Variants in SARS2 observed in about 807,000 individuals in gnomAD.
SARS2 encodes serine--tRNA ligase, mitochondrial.
Under a neutral mutation model 66.8 loss-of-function variants are expected in SARS2, and 52 were observed. That is an observed-to-expected ratio of 0.78 (90% CI 0.62 to 0.98). SARS2 has a LOEUF of 0.98. Ranked by LOEUF, SARS2 falls within the 50% of genes least tolerant of loss-of-function variation. The probability of loss-of-function intolerance (pLI) is 0.00; values close to 1 mark genes in which losing one functional copy is unlikely to be tolerated. For missense variants in SARS2, 673 were observed against 706.3 expected, an observed-to-expected ratio of 0.95 and a Z score of 0.53; for synonymous variants, 306 against 281.4, an observed-to-expected ratio of 1.09 and a Z score of -0.87.
At chr19:38,926,149 T>C (rs999080451) in intron 2 of SARS2, 56 bp downstream of exon 2, 73 of 1,401,796 alleles carry the variant, frequency 5.2e-5, no homozygotes, top group Non-Finnish European at 7.2e-5. Context: ...TCCTGTTACC[T>C]GTGTCTAGAG....
chr19:38,919,759 T>C lies in SARS2; in HGVS notation c.759+3A>G, dbSNP rs375391018. Reference sequence around the variant, plus strand: ...CAGGCAGCCCTCCTATCTTGGCCCATACCCGGCGGAGAAGCTTGTTGAATG... The same window carrying C: ...CAGGCAGCCCTCCTATCTTGGCCCACACCCGGCGGAGAAGCTTGTTGAATG... On this transcript the variant is annotated splice_donor_region_variant and intron_variant, in intron 7 of 15. Transcript: ENST00000221431. The C allele has an allele frequency of 1.2e-6, 2 of 1,613,414 alleles. No individual in the cohort carries two copies. Among genetic ancestry groups the C allele is most frequent in the African/African-American group, 2.7e-5 (2 of 74,926 alleles).
chr19:38,930,577 C>A lies in SARS2; in HGVS notation c.160G>T (p.Ala54Ser). The part of the protein sequence containing the change: ...LYEYAREGYS[A>S]LPQLDIERFC... ...CGCTCTATGTCCAGCTGAGGGAGTG[C>A]GCTGTAGCCCTCGCGCGCATACTCG... Residue 54 changes from alanine (A) to serine (S), a missense_variant, in exon 1 of 16, where the codon GCA becomes TCA. Ala to Ser is a moderately conservative substitution (Grantham distance 99, BLOSUM62 1). Coordinates refer to ENST00000221431, the MANE Select transcript of SARS2 (RefSeq NM_017827.4). The A allele has an allele frequency of 6.2e-7, 1 of 1,613,976 alleles. No homozygotes were observed. Among genetic ancestry groups the A allele is most frequent in the Non-Finnish European group, 8.5e-7 (1 of 1,180,004 alleles).
chr19:38,920,456 A>G (rs1244946409), intron 5 of SARS2, among the ~76,000 whole-genome samples: 1 of 151,938 alleles, frequency 6.6e-6, no homozygotes, highest in Non-Finnish European at 1.5e-5. Context: ...AGGAAACACC[A>G]CGAGGAAGGG....
Position 38,920,356 on chromosome 19 carries a change from G to C in SARS2, c.590-207C>G, listed in dbSNP as rs144335555. Among the ~76,000 whole-genome samples, 547 of 151,732 alleles carry C rather than the reference G, an allele frequency of 3.6e-3. 5 individuals carry two copies. Among genetic ancestry groups the C allele is most frequent in the African/African-American group, 0.013 (517 of 41,320 alleles). ...GGAGGGAGATAAAAACAGAGACAGG[G>C]AGAGGAAATGAGAGGAGGCAGAGAG... On this transcript the variant is annotated intron_variant, in intron 5 of 15. Coordinates refer to ENST00000221431, the MANE Select transcript of SARS2 (RefSeq NM_017827.4).
Position 38,917,725 on chromosome 19 carries a change from G to A in SARS2, c.1159C>T (p.Arg387Trp), listed in dbSNP as rs1335920603. ...EILTELGLHF[R>W]VLDMPTQELG... Reference sequence around the variant, plus strand: ...TGGATCCCTGGCCCCTCTCCACACCGGAAGTGCAAGCCCAGCTCTGTCAAG... The same window carrying A: ...TGGATCCCTGGCCCCTCTCCACACCAGAAGTGCAAGCCCAGCTCTGTCAAG... Residue 387 changes from arginine to tryptophan, a missense_variant and splice_region_variant, in exon 12 of 16, where the codon CGG becomes TGG. Coordinates refer to ENST00000221431, the MANE Select transcript of SARS2 (RefSeq NM_017827.4). The A allele has an allele frequency of 8.6e-6, 11 of 1,283,564 alleles. No individual in the cohort carries two copies. Among genetic ancestry groups the A allele is most frequent in the East Asian group, 8.1e-5 (2 of 24,702 alleles). The allele number at this position is 1,283,564 out of a possible 1,614,324, so 79.5% of individuals were successfully genotyped here. A position where few individuals can be genotyped will look rare whatever the true frequency, so the allele number is the denominator to read the frequency against.
chr19:38,924,138 A>G (rs891239543), intron 2 of SARS2, among the ~76,000 whole-genome samples: 5 of 151,902 alleles, frequency 3.3e-5, no homozygotes, highest in Non-Finnish European at 5.9e-5. Context: ...TCTCAAAAAA[A>G]AAAAAGAAGA....
At chr19:38,922,377 G>A in intron 2 of SARS2, 110 bp from the exon 3 acceptor site, 1 of 1,022,698 alleles carries the variant, frequency 9.8e-7, no homozygotes, top group Non-Finnish European at 1.5e-6. Context: ...CTCCTGCTCT[G>A]TCAGTGCCTA....
chr19:38,917,692 G>GCCCAA, intron 12 of SARS2, 32 bp downstream of exon 12: 4 of 1,057,868 alleles, frequency 3.8e-6, no homozygotes, highest in East Asian at 2.6e-5. Flanking sequence ...CCCCACCCCT[G>GCCCAA]CCATCCCTGG....
At chr19:38,924,674 C>A (rs1405644767) in intron 2 of SARS2, among the ~76,000 whole-genome samples, 1 of 152,094 alleles carries the variant, frequency 6.6e-6, no homozygotes, top group Non-Finnish European at 1.5e-5. Flanking sequence ...GACAGGGTCT[C>A]ACTCTGTCGC....
chr19:38,922,365 G>T, intron 2 of SARS2, 98 bp from the exon 3 acceptor site: 1 of 1,167,866 alleles, frequency 8.6e-7, no homozygotes, highest in Non-Finnish European at 1.3e-6. Context: ...GAGGATCTTA[G>T]TCTCCTGCTC....
chr19:38,923,215 TTTTC>T (rs1235285870), intron 2 of SARS2, among the ~76,000 whole-genome samples: 2 of 115,656 alleles, frequency 1.7e-5, no homozygotes, highest in African/African-American at 3.5e-5. Flanking sequence ...TGATCTCAGG[TTTTC>T]TTTTTTTTTT....
chr19:38,916,044 G>A lies in SARS2; in HGVS notation c.1340C>T (p.Ala447Val), dbSNP rs769476736. Residue 447 changes from alanine (A) to valine (V), a missense_variant, in exon 14 of 16, where the codon GCC becomes GTC. Physicochemically the swap from Ala to Val is moderately conservative, Grantham distance 64. Transcript: ENST00000221431. ...FQTEAGELQFAHTVNATACAV... is the reference protein window; with the variant it reads ...FQTEAGELQFVHTVNATACAV... ...AGGCTGTGCGGGCCTCACCGTGTGG[G>A]CAAACTGCAGCTCCCCAGCCTCGGT... 2 of 1,613,420 alleles carry A rather than the reference G, an allele frequency of 1.2e-6. No individual in the cohort carries two copies. Among genetic ancestry groups the A allele is most frequent in the Middle Eastern group, 1.7e-4 (1 of 6,014 alleles).
chr19:38,926,758 A>G (rs1432873113), intron 1 of SARS2, among the ~76,000 whole-genome samples: 2 of 151,948 alleles, frequency 1.3e-5, no homozygotes, highest in African/African-American at 4.8e-5. Context: ...TGCACACTCC[A>G]GCCTGGGCAA....
Position 38,915,463 on chromosome 19 carries a change from C to T in SARS2, c.*143G>A, listed in dbSNP as rs1783150110. 1 of 883,442 alleles carries T rather than the reference C, an allele frequency of 1.1e-6. No homozygotes were observed. Among genetic ancestry groups the T allele is most frequent in the African/African-American group, 1.7e-5 (1 of 60,022 alleles). 54.7% of individuals were successfully genotyped at this position (883,442 alleles called of 1,614,324 possible). A position where few individuals can be genotyped will look rare whatever the true frequency, so the allele number is the denominator to read the frequency against. On this transcript the variant is annotated 3_prime_UTR_variant, in exon 16 of 16. Transcript: ENST00000221431. ...CAGCAAGGACAGAGGAGAGGTGGAC[C>T]CCGTGGTCCAGGGGCCCGGGCGTGG...
intron 2 of SARS2, among the ~76,000 whole-genome samples, chr19:38,923,219 CTTTTTT>C (rs1165441029): frequency 8.4e-4 from 64 of 75,766 alleles, no homozygotes; most frequent in Admixed American, 2.2e-3. Context: ...CTCAGGTTTT[CTTTTTT>C]TTTTTTTTTT....
In SARS2 at chr19:38,915,802, G is replaced by A. The variant is rs11670675; in HGVS notation, c.1413+39C>T. 0.23 allele frequency: 371,551 copies of A among 1,612,590 alleles called. 45,174 individuals are homozygous for A. The highest frequency in any genetic ancestry group is 0.3 in the South Asian group (27,568 of 91,070). On this transcript the variant is annotated intron_variant, in intron 15 of 15. Coordinates refer to ENST00000221431, the MANE Select transcript of SARS2 (RefSeq NM_017827.4). ...TGCAGATGCCCCAGCCCTCCCCGGC[G>A]CTGAGCTGCCTCTCTGGGTGGGCCC...
At chr19:38,921,804 C>T (rs1017183300) in intron 3 of SARS2, 137 bp from the exon 4 acceptor site, 43 of 1,389,080 alleles carry the variant, frequency 3.1e-5, no homozygotes, top group Middle Eastern at 4.4e-4. Flanking sequence ...TGAACGTCTT[C>T]GCAGAACTTC....
At chr19:38,922,188 C>G (rs1974549508) in intron 3 of SARS2, 50 bp downstream of exon 3, 2 of 1,591,668 alleles carry the variant, frequency 1.3e-6, no homozygotes, top group Admixed American at 1.7e-5. Flanking sequence ...GGCAGGGTAT[C>G]CTCCCTGCCC....
rs562766344 is a variant in SARS2 at position 38,915,660 on chromosome 19, G to A, written c.1503C>T (p.Ile501=). The stretch of plus-strand genomic sequence containing the variant: ...CAGGCTTCCGGGGCTGGTTGGGGCC[G>A]ATGTACTGGAGAGGCACGTGGGTAG... The part of the protein sequence containing the change: ...TAPTHVPLQY[I]GPNQPRKPGL... Residue 501 remains isoleucine, a synonymous_variant, in exon 16 of 16, where the codon ATC becomes ATT. Coordinates refer to ENST00000221431, the MANE Select transcript of SARS2 (RefSeq NM_017827.4). 22 of 1,613,326 alleles carry A rather than the reference G, an allele frequency of 1.4e-5. No homozygotes were observed. The highest frequency in any genetic ancestry group is 2.2e-5 in the East Asian group (1 of 44,862).
Sources: allele counts gnomAD v4.1 joint callset (sites outside exome capture counted in the v4.1 genomes callset), GRCh38; gene constraint gnomAD v4.1.1; transcripts MANE v1.5; gene names NCBI Gene and HGNC (gene_info 2026-07-23, HGNC 2026-07-21).